The following SNX27 variants were observed in gnomAD, a reference collection of about 807,000 sequenced individuals.
The protein encoded by SNX27 is sorting nexin 27, also known as sorting nexin-27.
Under a neutral mutation model 71.6 loss-of-function variants are expected in SNX27, and 22 were observed. That is an observed-to-expected ratio of 0.31 (90% CI 0.22 to 0.44). The LOEUF is 0.44. Ranked by LOEUF, SNX27 falls within the 20% of genes least tolerant of loss-of-function variation. The pLI, the probability that SNX27 is intolerant of heterozygous loss-of-function variation, is 1.00. For synonymous variants in SNX27, 269 were observed against 277.2 expected, an observed-to-expected ratio of 0.97 and a Z score of 0.29; for missense variants, 531 against 698.6, an observed-to-expected ratio of 0.76 and a Z score of 2.70.
At chr1:151,658,170 A>G in intron 2 of SNX27, 65 bp from the exon 3 acceptor site, 1 of 1,427,998 alleles carries the variant, frequency 7.0e-7, no homozygotes, top group Non-Finnish European at 9.6e-7. Context: ...TCTAAGCCTG[A>G]CTAGATGATT....
intron 2 of SNX27, among the ~76,000 whole-genome samples, chr1:151,648,398 A>G (rs1669158402): frequency 6.7e-6 from 1 of 150,184 alleles, no homozygotes; most frequent in Admixed American, 6.6e-5. Context: ...TTTATATTTG[A>G]TCACATATTT....
chr1:151,619,074 C>T (rs1239164496), intron 1 of SNX27, among the ~76,000 whole-genome samples: 1 of 151,524 alleles, frequency 6.6e-6, no homozygotes, highest in Non-Finnish European at 1.5e-5. Flanking sequence ...GGCACAGTGG[C>T]TCACGCCTGT....
chr1:151,691,774 A>G (rs545042954), intron 8 of SNX27, among the ~76,000 whole-genome samples: 3 of 152,034 alleles, frequency 2.0e-5, no homozygotes, highest in African/African-American at 7.2e-5. Flanking sequence ...TCGGCCTCTC[A>G]AAGTGTTGGG....
rs191905305 is a variant in SNX27, at chr1:151,662,183, C to T, written c.819C>T (p.Ser273=). ...SESDENYNGV[S]DVELRVALPD... is the part of the protein sequence containing the mutation. ...TCCCCCAGAACTACAATGGTGTGTC[C>T]GACGTAGAGCTGAGAGTAGCATTAC... Residue 273 remains serine, a synonymous_variant, in exon 5 of 12, where the codon TCC becomes TCT. Coordinates refer to ENST00000458013, the MANE Select transcript of SNX27 (RefSeq NM_001330723.2). The T allele has an allele frequency of 1.5e-5, 24 of 1,612,786 alleles. No individual in the cohort carries two copies. The East Asian group carries it at 2.0e-4, about 13-fold the overall frequency.
intron 2 of SNX27, among the ~76,000 whole-genome samples, chr1:151,650,747 G>C (rs1161841618): frequency 1.3e-5 from 2 of 151,846 alleles, no homozygotes; most frequent in Non-Finnish European, 2.9e-5. Flanking sequence ...AGGACCCTGC[G>C]GCCTTCCGCA....
At chr1:151,668,419 G>A in intron 6 of SNX27, 53 bp from the exon 7 acceptor site, 1 of 1,524,938 alleles carries the variant, frequency 6.6e-7, no homozygotes, top group Non-Finnish European at 8.9e-7. Flanking sequence ...TTATACTAGG[G>A]AAGTTTCTTA....
At chr1:151,691,526 A>C (rs1466310806) in intron 8 of SNX27, among the ~76,000 whole-genome samples, 8 of 136,560 alleles carry the variant, frequency 5.9e-5, no homozygotes, top group Non-Finnish European at 9.2e-5. Flanking sequence ...GCTGGAGTGC[A>C]GTGGCGCAAT....
chr1:151,677,168 T>G (rs1670737946), intron 7 of SNX27: 1 of 152,148 alleles, frequency 6.6e-6, no homozygotes, highest in Non-Finnish European at 1.5e-5. Flanking sequence ...ATCTATCCTA[T>G]TACTATTCCA....
chr1:151,660,914 G>A (rs1212021810), intron 4 of SNX27, 52 bp downstream of exon 4: 4 of 1,351,348 alleles, frequency 3.0e-6, no homozygotes, highest in Non-Finnish European at 2.1e-6. Flanking sequence ...CCTTGTGGGG[G>A]AAAATAAGTT....
Position 151,612,587 on chromosome 1 carries a change from AC to A in SNX27, c.311+80del, listed in dbSNP as rs1667228551. ...CCCTGCACTCCTCGCTACCCTTGTC[AC>A]CCCCAGGCCGCACCTCCCCCGAGCT... On this transcript the variant is annotated intron_variant, in intron 1 of 11. Transcript: ENST00000458013. The surrounding 1 kb of genome is among the most constrained non-coding windows in gnomAD (Gnocchi z 5.2). 1.9e-6 allele frequency: 2 copies of A among 1,058,256 alleles called. No individual in the cohort carries two copies. The highest frequency in any genetic ancestry group is 2.4e-6 in the Non-Finnish European group (2 of 850,906). The allele number at this position is 1,058,256 out of a possible 1,614,324, so 65.6% of individuals were successfully genotyped here.
At chr1:151,628,161 C>T (rs1668035805) in intron 1 of SNX27, among the ~76,000 whole-genome samples, 1 of 151,986 alleles carries the variant, frequency 6.6e-6, no homozygotes, top group Non-Finnish European at 1.5e-5. Flanking sequence ...CGCCCGCCAC[C>T]ATGCCCAGCT....
intron 5 of SNX27, among the ~76,000 whole-genome samples, chr1:151,664,122 C>T (rs2186114): frequency 0.92 from 135,703 of 146,860 alleles, 63,350 homozygotes; most frequent in Non-Finnish European, 0.99. Context: ...ATATTAATAA[C>T]ATATGATATG....
intron 1 of SNX27, among the ~76,000 whole-genome samples, chr1:151,633,619 G>C (rs553093214): frequency 6.6e-6 from 1 of 152,018 alleles, no homozygotes; most frequent in Admixed American, 6.6e-5. Flanking sequence ...TTTGCATTCA[G>C]TACTATCCCC....
chr1:151,690,600 G>A (rs900949061), intron 8 of SNX27, among the ~76,000 whole-genome samples: 14 of 151,572 alleles, frequency 9.2e-5, no homozygotes, highest in African/African-American at 2.2e-4. Flanking sequence ...ACAGGTGCCC[G>A]GCAAATTTTT....
intron 8 of SNX27, among the ~76,000 whole-genome samples, chr1:151,690,805 C>T (rs930652184): frequency 2.6e-5 from 4 of 152,066 alleles, no homozygotes; most frequent in Admixed American, 6.6e-5. Flanking sequence ...ATTATTATTT[C>T]CCATTTATGG....
At chr1:151,657,012 G>A in intron 2 of SNX27, among the ~76,000 whole-genome samples, 1 of 152,208 alleles carries the variant, frequency 6.6e-6, no homozygotes, top group East Asian at 1.9e-4. Flanking sequence ...GGTTGGATAT[G>A]ATAACTTTTT....
At position 151,693,544 on chromosome 1, in the gene SNX27, GC is replaced by G. The variant is rs964346387; in HGVS notation, c.1578+63del. 1.9e-6 allele frequency: 3 copies of G among 1,612,048 alleles called. 1 individual carries two copies. Reference sequence around the variant, plus strand: ...CTTTTTGTTTCTTTAAAATTTATAGGCCTGTGGCCAAATACCTGGGACCCTC... The same window carrying G: ...CTTTTTGTTTCTTTAAAATTTATAGGCTGTGGCCAAATACCTGGGACCCTC... On this transcript the variant is annotated intron_variant, in intron 11 of 11. Transcript: ENST00000458013.
intron 6 of SNX27, among the ~76,000 whole-genome samples, chr1:151,667,693 G>T (rs1670265415): frequency 6.6e-6 from 1 of 151,114 alleles, no homozygotes; most frequent in Non-Finnish European, 1.5e-5. Context: ...CGGGCGTAGT[G>T]GCGGGCGCCT....
intron 4 of SNX27, 83 bp downstream of exon 4, chr1:151,660,945 A>G: frequency 2.9e-6 from 3 of 1,020,348 alleles, no homozygotes; most frequent in Non-Finnish European, 4.7e-6. Context: ...ATTATGCATT[A>G]AATTTCCATA....
Sources: gnomAD v4.1 joint callset for allele counts (sites outside exome capture counted in the v4.1 genomes callset) on GRCh38, gnomAD v4.1.1 for gene constraint, Gnocchi (gnomAD v3.1) non-coding constraint, MANE v1.5 for transcripts, NCBI Gene and HGNC (gene_info 2026-07-23, HGNC 2026-07-21) for gene names.